TRAPPC9: variants seen among roughly 807,000 people sequenced by gnomAD.
TRAPPC9 encodes IKK2 binding protein.
In TRAPPC9, 83 loss-of-function variants were observed where a neutral mutation model predicts 124.0. That is an observed-to-expected ratio of 0.67 (90% confidence interval 0.56 to 0.80). TRAPPC9 has a LOEUF of 0.80. Among genes scored for constraint, TRAPPC9 ranks in the 30% least tolerant of loss-of-function variants. TRAPPC9 has a pLI of 0.00. For missense variants in TRAPPC9, 1,302 were observed against 1,508.3 expected (o/e 0.86, Z 2.27); for synonymous variants, 638 against 617.5 (o/e 1.03, Z -0.49).
intron 5 of TRAPPC9, among the ~76,000 whole-genome samples, chr8:140,424,197 A>G (rs568298023): frequency 3.3e-5 from 5 of 152,138 alleles, no homozygotes; most frequent in East Asian, 3.8e-4. Context: ...CTCTCACATA[A>G]TAAGTGCAAA....
chr8:140,379,960 T>G (rs2068554604), intron 7 of TRAPPC9, among the ~76,000 whole-genome samples: 2 of 152,218 alleles, frequency 1.3e-5, no homozygotes, highest in Admixed American at 1.3e-4. Context: ...GGTTCTTTAT[T>G]GTAGGTATCT....
chr8:140,283,125 C>G (rs2065374185), intron 14 of TRAPPC9, among the ~76,000 whole-genome samples: 1 of 151,748 alleles, frequency 6.6e-6, no homozygotes, highest in Non-Finnish European at 1.5e-5. Flanking sequence ...GTAGTCCCAG[C>G]TACTTAGGAG....
intron 17 of TRAPPC9, among the ~76,000 whole-genome samples, chr8:140,109,465 C>T (rs2060724092): frequency 1.3e-5 from 2 of 152,220 alleles, no homozygotes; most frequent in Admixed American, 1.3e-4. Flanking sequence ...GAAGAGAAAA[C>T]AGACCATGTG....
intron 17 of TRAPPC9, among the ~76,000 whole-genome samples, chr8:140,119,709 C>G (rs1340508035): frequency 6.6e-6 from 1 of 152,198 alleles, no homozygotes; most frequent in Non-Finnish European, 1.5e-5. Flanking sequence ...AGTGGCTCAG[C>G]TGAGAAATAA....
At chr8:140,126,491 C>T (rs1365171352) in intron 17 of TRAPPC9, among the ~76,000 whole-genome samples, 2 of 152,100 alleles carry the variant, frequency 1.3e-5, no homozygotes, top group Non-Finnish European at 2.9e-5. Context: ...ATCAGACACT[C>T]GTAAGAACAT....
intron 15 of TRAPPC9, among the ~76,000 whole-genome samples, chr8:140,273,714 CG>C (rs1279003961): frequency 6.6e-6 from 1 of 152,102 alleles, no homozygotes; most frequent in Non-Finnish European, 1.5e-5. Context: ...GTTGCCTACT[CG>C]GGGAACAGCT....
chr8:139,774,685 G>T (rs1004760321), intron 21 of TRAPPC9, among the ~76,000 whole-genome samples: 16 of 152,208 alleles, frequency 1.1e-4, no homozygotes, highest in African/African-American at 2.4e-4. Context: ...CCGGAGGAAC[G>T]AGGGCTTCTC....
At chr8:139,865,767 T>C (rs1251924772) in intron 21 of TRAPPC9, among the ~76,000 whole-genome samples, 1 of 152,166 alleles carries the variant, frequency 6.6e-6, no homozygotes, top group Non-Finnish European at 1.5e-5. Context: ...AGCTGCCCCG[T>C]GTGTGAGCCA....
chr8:140,136,151 TA>T (rs1218150644), intron 17 of TRAPPC9, among the ~76,000 whole-genome samples: 9 of 149,538 alleles, frequency 6.0e-5, no homozygotes, highest in East Asian at 2.0e-4. Context: ...TGCAAAGGCT[TA>T]AAAAAAAAAT....
At chr8:140,283,487 C>T (rs932351149) in intron 14 of TRAPPC9, among the ~76,000 whole-genome samples, 3 of 150,260 alleles carry the variant, frequency 2.0e-5, no homozygotes, top group Non-Finnish European at 3.0e-5. Context: ...TTAGTAGAGA[C>T]GGGGTTTCAC....
chr8:140,161,916 G>C (rs1288077652), intron 17 of TRAPPC9, among the ~76,000 whole-genome samples: 1 of 152,134 alleles, frequency 6.6e-6, no homozygotes. Flanking sequence ...CACACAAAGA[G>C]GCCTGGTTGC....
intron 21 of TRAPPC9, among the ~76,000 whole-genome samples, chr8:139,807,354 C>G (rs998118455): frequency 2.0e-5 from 3 of 152,190 alleles, no homozygotes; most frequent in Admixed American, 6.5e-5. Context: ...CTCTGAACTC[C>G]AAGGGGCAAA....
At chr8:140,149,799 G>A (rs1345282503) in intron 17 of TRAPPC9, among the ~76,000 whole-genome samples, 3 of 149,530 alleles carry the variant, frequency 2.0e-5, no homozygotes, top group African/African-American at 7.4e-5. Flanking sequence ...TCCTTGAAAG[G>A]TCTGCTCGCC....
intron 17 of TRAPPC9, among the ~76,000 whole-genome samples, chr8:140,031,144 T>A (rs752581451): frequency 3.3e-5 from 5 of 152,300 alleles, no homozygotes; most frequent in Middle Eastern, 3.4e-3. Context: ...AGAGCGAATG[T>A]GAGGCCCTCG....
At chr8:139,890,490 T>A (rs1830271584) in intron 20 of TRAPPC9, among the ~76,000 whole-genome samples, 1 of 152,198 alleles carries the variant, frequency 6.6e-6, no homozygotes, top group African/African-American at 2.4e-5. Flanking sequence ...TTCCTAGGCA[T>A]CTCCTGGGAG....
At chr8:140,448,145 C>CAA (rs56941791) in intron 2 of TRAPPC9, among the ~76,000 whole-genome samples, 31 of 89,988 alleles carry the variant, frequency 3.4e-4, no homozygotes, top group African/African-American at 6.9e-4. Flanking sequence ...GACACCATCT[C>CAA]AAAAAAAAAA....
chr8:140,082,818 G>T (rs75584651), intron 17 of TRAPPC9, among the ~76,000 whole-genome samples: 1 of 152,146 alleles, frequency 6.6e-6, no homozygotes, highest in South Asian at 2.1e-4. Context: ...CAGACAAGGG[G>T]CATCCTCAAA....
chr8:140,131,346 T>C (rs897999851), intron 17 of TRAPPC9, among the ~76,000 whole-genome samples: 4 of 152,238 alleles, frequency 2.6e-5, no homozygotes, highest in South Asian at 4.1e-4. Context: ...CACAACTGTA[T>C]TGAGAGTATC....
At chr8:139,806,659 G>A (rs1824084439) in intron 21 of TRAPPC9, among the ~76,000 whole-genome samples, 1 of 152,158 alleles carries the variant, frequency 6.6e-6, no homozygotes, top group South Asian at 2.1e-4. Context: ...TCCTTGAACT[G>A]CCTGATAGCC....
Sources: gnomAD v4.1 joint callset for allele counts (sites outside exome capture counted in the v4.1 genomes callset) on GRCh38, gnomAD v4.1.1 for gene constraint, MANE v1.5 for transcripts, NCBI Gene and HGNC (gene_info 2026-07-23, HGNC 2026-07-21) for gene names.